The following NCOA3 variants were observed in gnomAD, a reference collection of about 807,000 sequenced individuals.
NCOA3 encodes the protein nuclear receptor coactivator 3.
Under a neutral mutation model 158.8 loss-of-function variants are expected in NCOA3, and 51 were observed. The observed-to-expected ratio is 0.32, with a 90% CI of 0.26 to 0.41. NCOA3 has a LOEUF of 0.41. Among genes scored for constraint, NCOA3 ranks in the 10% least tolerant of loss-of-function variants. The pLI, the probability that NCOA3 is intolerant of heterozygous loss-of-function variation, is 1.00. For synonymous variants in NCOA3, 537 were observed against 592.4 expected (o/e 0.91, Z 1.36); for missense variants, 1,510 against 1,746.6 (o/e 0.86, Z 2.41).
chr20:47,522,128 G>T (rs945555439), intron 1 of NCOA3, among the ~76,000 whole-genome samples: 1 of 96,548 alleles, frequency 1.0e-5, no homozygotes, highest in Non-Finnish European at 2.1e-5. Flanking sequence ...TTTTTGAGAC[G>T]GAGTCTTGCT....
chr20:47,635,733 C>CTT lies in NCOA3; in HGVS notation c.1504+23_1504+24dup. 1.3e-6 allele frequency: 2 copies of CTT among 1,580,218 alleles called. No individual in the cohort carries two copies. Among genetic ancestry groups the CTT allele is most frequent in the Non-Finnish European group, 1.7e-6 (2 of 1,166,996 alleles). On this transcript the variant is annotated intron_variant, in intron 11 of 22. Transcript: ENST00000371998. ...TTGCAGGTATTTGTGTTGACATTTC[C>CTT]TTTTATTTTTTTTCTTTTTAAGTAA...
chr20:47,622,440 C>T, intron 3 of NCOA3, 110 bp downstream of exon 3: 1 of 706,668 alleles, frequency 1.4e-6, no homozygotes, highest in Non-Finnish European at 2.3e-6. Context: ...TTGGTGGTTT[C>T]ACTTCGTGGT....
At chr20:47,515,147 C>T (rs1362879658) in intron 1 of NCOA3, among the ~76,000 whole-genome samples, 1 of 151,074 alleles carries the variant, frequency 6.6e-6, no homozygotes, top group Non-Finnish European at 1.5e-5. Context: ...CTTTTAATAG[C>T]TATATATATA....
At chr20:47,595,073 T>A (rs2085730506) in intron 2 of NCOA3, among the ~76,000 whole-genome samples, 1 of 146,560 alleles carries the variant, frequency 6.8e-6, no homozygotes. Flanking sequence ...ATTACAGGTG[T>A]GAGCCACCAC....
intron 2 of NCOA3, among the ~76,000 whole-genome samples, chr20:47,595,306 C>T (rs983511983): frequency 1.3e-5 from 2 of 151,996 alleles, no homozygotes; most frequent in Non-Finnish European, 2.9e-5. Flanking sequence ...CCATGTTGGC[C>T]AGGCTGGTCT....
chr20:47,521,627 G>A (rs1224534075), intron 1 of NCOA3, among the ~76,000 whole-genome samples: 1 of 152,170 alleles, frequency 6.6e-6, no homozygotes, highest in Non-Finnish European at 1.5e-5. Flanking sequence ...GATGAACAAT[G>A]AGTCAGGGTG....
At chr20:47,573,238 C>T (rs558049732) in intron 1 of NCOA3, among the ~76,000 whole-genome samples, 1 of 152,032 alleles carries the variant, frequency 6.6e-6, no homozygotes, top group South Asian at 2.1e-4. Context: ...GTCTCTACTA[C>T]AAAAATTAGC....
At position 47,627,924 on chromosome 20, in the gene NCOA3, T is replaced by C. The variant is rs1265563343; in HGVS notation, c.724T>C (p.Leu242=). 1 of 1,613,218 alleles carries C rather than the reference T, an allele frequency of 6.2e-7. No individual in the cohort carries two copies. Among genetic ancestry groups the C allele is most frequent in the Admixed American group, 1.7e-5 (1 of 59,956 alleles). Reference sequence around the variant, plus strand: ...CCAGGGTGAATTTTTTATTGTAGATTTGCAATCTTGTATGATCTGTGTGGC... The same window carrying C: ...CCAGGGTGAATTTTTTATTGTAGATCTGCAATCTTGTATGATCTGTGTGGC... ...PRAMMEEGED[L]QSCMICVARR... is the part of the protein sequence containing the mutation. Residue 242 remains leucine (L), a splice_region_variant and synonymous_variant, in exon 8 of 23, where the codon TTG becomes CTG. Transcript: ENST00000371998.
At chr20:47,592,619 C>A (rs2085664470) in intron 2 of NCOA3, among the ~76,000 whole-genome samples, 1 of 152,166 alleles carries the variant, frequency 6.6e-6, no homozygotes, top group Non-Finnish European at 1.5e-5. Context: ...AAATTAGAAC[C>A]TAACTTGATT....
At chr20:47,509,218 G>A (rs1035439104) in intron 1 of NCOA3, among the ~76,000 whole-genome samples, 1 of 151,454 alleles carries the variant, frequency 6.6e-6, no homozygotes, top group African/African-American at 2.4e-5. Flanking sequence ...GTAAGATCCT[G>A]TCTCTATAAA....
chr20:47,628,927 A>G (rs965420703), intron 8 of NCOA3: 1 of 152,172 alleles, frequency 6.6e-6, no homozygotes, highest in Non-Finnish European at 1.5e-5. Flanking sequence ...CATCTCAGAG[A>G]TAAAGAAACA....
At chr20:47,571,650 CAG>C (rs2085297195) in intron 1 of NCOA3, among the ~76,000 whole-genome samples, 1 of 152,088 alleles carries the variant, frequency 6.6e-6, no homozygotes, top group African/African-American at 2.4e-5. Context: ...ATGCTGTAAA[CAG>C]ATGTCATTCA....
In NCOA3 at chr20:47,636,583, G is replaced by A. The variant is rs2086520317; in HGVS notation, c.2197G>A (p.Glu733Lys). The A allele has an allele frequency of 6.2e-7, 1 of 1,614,070 alleles. No homozygotes were observed. The highest frequency in any genetic ancestry group is 8.5e-7 in the Non-Finnish European group (1 of 1,180,040). ...GGAGCAGCTAAGTCCTAAGAAGAAGGAGAATAATGCACTTCTTAGATACCT... is the reference window on the plus strand; with the variant it reads ...GGAGCAGCTAAGTCCTAAGAAGAAGAAGAATAATGCACTTCTTAGATACCT... The part of the protein sequence containing the change: ...KQEQLSPKKK[E>K]NNALLRYLLD... The change falls in exon 12 of 23, where the codon GAG becomes AAG. Residue 733 changes from glutamate (E) to lysine (K), a missense_variant. Transcript: ENST00000371998.
chr20:47,595,866 T>C (rs1429910955), intron 2 of NCOA3, among the ~76,000 whole-genome samples: 1 of 152,210 alleles, frequency 6.6e-6, no homozygotes, highest in Admixed American at 6.5e-5. Flanking sequence ...CTCACTATTC[T>C]GTGTTTCATA....
At position 47,639,922 on chromosome 20, in the gene NCOA3, C is replaced by T. The variant is rs2086576837; in HGVS notation, c.2954-3C>T. On this transcript the variant is annotated splice_polypyrimidine_tract_variant and splice_region_variant and intron_variant, in intron 15 of 22. Coordinates refer to ENST00000371998, the MANE Select transcript of NCOA3 (RefSeq NM_181659.3). ...AATTTGTGCTTTCTTTTTGCTCCCC[C>T]AGGGCCTGGTGAAATCCCCATGGGA... is the stretch of plus-strand genomic sequence containing the variant. 1 of 1,614,114 alleles carries T rather than the reference C, an allele frequency of 6.2e-7. No individual in the cohort carries two copies. The highest frequency in any genetic ancestry group is 1.6e-4 in the Middle Eastern group (1 of 6,062).
intron 13 of NCOA3, among the ~76,000 whole-genome samples, chr20:47,638,795 T>C (rs935064508): frequency 1.3e-5 from 2 of 151,030 alleles, no homozygotes; most frequent in African/African-American, 4.9e-5. Context: ...TTCTACTTTA[T>C]TTGGAATATG....
intron 4 of NCOA3, 112 bp from the exon 5 acceptor site, chr20:47,625,269 A>T: frequency 1.5e-6 from 1 of 665,558 alleles, no homozygotes; most frequent in South Asian, 1.8e-5. Flanking sequence ...TTTTGTATGT[A>T]TGTATGGGCA....
At chr20:47,571,000 GTGTA>G (rs1402067967) in intron 1 of NCOA3, among the ~76,000 whole-genome samples, 10 of 143,004 alleles carry the variant, frequency 7.0e-5, no homozygotes, top group African/African-American at 2.7e-4. Context: ...GTGTGTGTGT[GTGTA>G]TATACATTTT....
chr20:47,513,138 C>T (rs1351314170), intron 1 of NCOA3, among the ~76,000 whole-genome samples: 1 of 152,016 alleles, frequency 6.6e-6, no homozygotes, highest in Admixed American at 6.6e-5. Flanking sequence ...CACTGCACTC[C>T]AGCTGGGGAA....
Sources: gnomAD v4.1 joint callset for allele counts (sites outside exome capture counted in the v4.1 genomes callset) on GRCh38, gnomAD v4.1.1 for gene constraint, MANE v1.5 for transcripts, NCBI Gene and HGNC (gene_info 2026-07-23, HGNC 2026-07-21) for gene names.